The following IL1RAPL1 variants were observed in gnomAD, a reference collection of about 807,000 sequenced individuals.
IL1RAPL1 encodes the protein interleukin-1 receptor accessory protein-like 1.
In IL1RAPL1, 3 loss-of-function variants were observed where a neutral mutation model predicts 48.4. The observed-to-expected ratio is 0.06, with a 90% confidence interval of 0.03 to 0.16. IL1RAPL1 has a LOEUF of 0.16. Among genes scored for constraint, IL1RAPL1 ranks in the 10% least tolerant of loss-of-function variants. The pLI, the probability that IL1RAPL1 is intolerant of heterozygous loss-of-function variation, is 1.00. For missense variants in IL1RAPL1, 349 were observed against 530.6 expected (o/e 0.66, Z 3.36); for synonymous variants, 185 against 187.7 (o/e 0.99, Z 0.12).
At chrX:29,500,888 C>T (rs1481610249) in intron 5 of IL1RAPL1, among the ~76,000 whole-genome samples, 1 of 110,227 alleles carries the variant, frequency 9.1e-6, no homozygotes, top group Non-Finnish European at 1.9e-5. Context: ...TTTTGAGAAC[C>T]CTCCATACAG....
At chrX:29,226,405 C>T (rs1477085359) in intron 2 of IL1RAPL1, among the ~76,000 whole-genome samples, 2 of 108,396 alleles carry the variant, frequency 1.8e-5, no homozygotes, top group East Asian at 5.7e-4. Context: ...TCATTAAGCC[C>T]CTAGCAAACA....
intron 1 of IL1RAPL1, among the ~76,000 whole-genome samples, chrX:28,784,543 A>G (rs891973947): frequency 1.8e-5 from 2 of 111,568 alleles, no homozygotes; most frequent in African/African-American, 3.3e-5. Context: ...TGCTACCTCA[A>G]CATGTTGAGG....
chrX:28,751,518 T>TA (rs1271289227), intron 1 of IL1RAPL1, among the ~76,000 whole-genome samples: 1 of 112,065 alleles, frequency 8.9e-6, no homozygotes, highest in South Asian at 3.6e-4. Context: ...AATGTTTATG[T>TA]AAAAAAAGTT....
intron 2 of IL1RAPL1, among the ~76,000 whole-genome samples, chrX:28,912,212 G>A (rs920852864): frequency 1.4e-4 from 15 of 109,337 alleles, no homozygotes; most frequent in African/African-American, 5.0e-4. Flanking sequence ...TTTGGGGAGG[G>A]ATAACAGTAG....
chrX:29,323,824 G>C (rs1222884489), intron 3 of IL1RAPL1, among the ~76,000 whole-genome samples: 1 of 77,294 alleles, frequency 1.3e-5, no homozygotes, highest in Admixed American at 1.7e-4. Flanking sequence ...GAATCACGTA[G>C]ATTAGAAACA....
chrX:28,894,887 G>C (rs1215676318), intron 2 of IL1RAPL1, among the ~76,000 whole-genome samples: 2 of 110,783 alleles, frequency 1.8e-5, no homozygotes, highest in Non-Finnish European at 3.8e-5. Flanking sequence ...GATCAGCAGG[G>C]AGAGCACATG....
At chrX:28,656,716 AATT>A (rs1312618552) in intron 1 of IL1RAPL1, among the ~76,000 whole-genome samples, 3 of 111,865 alleles carry the variant, frequency 2.7e-5, no homozygotes, top group Admixed American at 9.5e-5. Flanking sequence ...GCACATTTGC[AATT>A]ATAAATTTGT....
At chrX:29,010,377 A>C (rs969822899) in intron 2 of IL1RAPL1, among the ~76,000 whole-genome samples, 105 of 111,501 alleles carry the variant, frequency 9.4e-4, no homozygotes, top group African/African-American at 3.3e-3. Context: ...TGTTGACTGT[A>C]GGTTTGTCAT....
intron 2 of IL1RAPL1, among the ~76,000 whole-genome samples, chrX:28,947,419 T>C (rs973500696): frequency 4.5e-5 from 5 of 111,245 alleles, no homozygotes; most frequent in Non-Finnish European, 7.6e-5. Context: ...AAGATGAGGA[T>C]ACTGTGGTCC....
At chrX:29,407,495 A>G (rs1296360926) in intron 5 of IL1RAPL1, among the ~76,000 whole-genome samples, 1 of 111,844 alleles carries the variant, frequency 8.9e-6, no homozygotes, top group African/African-American at 3.3e-5. Flanking sequence ...ATGATATTCC[A>G]TTATATGAAA....
intron 2 of IL1RAPL1, among the ~76,000 whole-genome samples, chrX:29,204,385 G>C (rs1602110372): frequency 9.0e-6 from 1 of 111,690 alleles, no homozygotes; most frequent in East Asian, 2.8e-4. Flanking sequence ...ACCATCCACT[G>C]TTTTTGTCTT....
At chrX:29,179,487 T>G (rs1366706141) in intron 2 of IL1RAPL1, among the ~76,000 whole-genome samples, 1 of 111,795 alleles carries the variant, frequency 8.9e-6, no homozygotes, top group African/African-American at 3.3e-5. Context: ...GATGTTCATG[T>G]GTTTATAGCT....
intron 1 of IL1RAPL1, among the ~76,000 whole-genome samples, chrX:28,607,442 A>G (rs772614315): frequency 9.0e-6 from 1 of 111,485 alleles, no homozygotes; most frequent in African/African-American, 3.2e-5. Flanking sequence ...TATGTTCATC[A>G]TGCAGCTTAA....
intron 2 of IL1RAPL1, among the ~76,000 whole-genome samples, chrX:28,880,373 C>T (rs184464277): frequency 8.0e-4 from 90 of 112,265 alleles, no homozygotes; most frequent in South Asian, 4.0e-3. Flanking sequence ...GTCAGCTAAG[C>T]TCTGTTTGAA....
At chrX:28,829,887 T>G (rs1276661801) in intron 2 of IL1RAPL1, among the ~76,000 whole-genome samples, 2 of 111,041 alleles carry the variant, frequency 1.8e-5, no homozygotes, top group Non-Finnish European at 3.8e-5. Context: ...TTTTTTCATC[T>G]TTTGAGATGG....
intron 2 of IL1RAPL1, among the ~76,000 whole-genome samples, chrX:29,136,700 C>T (rs777699406): frequency 6.3e-5 from 7 of 111,866 alleles, no homozygotes; most frequent in African/African-American, 2.3e-4. Context: ...AGCCTAGTTT[C>T]TCTGCCTGCC....
chrX:29,273,661 G>T (rs1932076026), intron 2 of IL1RAPL1, among the ~76,000 whole-genome samples: 1 of 111,681 alleles, frequency 9.0e-6, no homozygotes, highest in African/African-American at 3.3e-5. Flanking sequence ...TTCAGCTGAG[G>T]AGGGGCACCA....
At chrX:29,020,933 T>C (rs1238645510) in intron 2 of IL1RAPL1, among the ~76,000 whole-genome samples, 2 of 111,475 alleles carry the variant, frequency 1.8e-5, no homozygotes, top group African/African-American at 6.5e-5. Flanking sequence ...AATTTAGAAA[T>C]AGGTATGACG....
intron 2 of IL1RAPL1, among the ~76,000 whole-genome samples, chrX:29,077,518 G>A (rs908694077): frequency 9.3e-5 from 10 of 107,623 alleles, no homozygotes; most frequent in South Asian, 4.2e-4. Flanking sequence ...TCGGAGAATC[G>A]CTTAAACCCA....
Sources: allele counts gnomAD v4.1 joint callset (sites outside exome capture counted in the v4.1 genomes callset), GRCh38; gene constraint gnomAD v4.1.1; transcripts MANE v1.5; gene names NCBI Gene and HGNC (gene_info 2026-07-23, HGNC 2026-07-21).